The following WDFY4 variants were observed in gnomAD, a reference collection of about 807,000 sequenced individuals.
The protein encoded by WDFY4 is WD repeat- and FYVE domain-containing protein 4.
WDFY4 carries 169 observed loss-of-function variants against 351.9 expected under a neutral mutation model. The observed-to-expected ratio is 0.48, with a 90% CI of 0.42 to 0.55. The LOEUF (loss-of-function observed/expected upper bound fraction) is 0.55. WDFY4 is among the 20% of genes least tolerant of loss of function. WDFY4 has a pLI of 0.00. For missense variants in WDFY4, 3,803 were observed against 3,935.6 expected, an observed-to-expected ratio of 0.97 and a Z score of 0.90; for synonymous variants, 1,622 against 1,574.6, an observed-to-expected ratio of 1.03 and a Z score of -0.71.
In WDFY4 at chr10:48,743,044, C is replaced by T; in HGVS notation, c.1955C>T (p.Ser652Phe). ...RVSSGFNGLL[S>F]LLSDLEGSLQ... is the part of the protein sequence containing the mutation. ...TCCAGCGGGTTCAACGGGCTGCTGTCTCTGCTCTCTGACCTGGAAGGCTCC... is the reference window on the plus strand; with the variant it reads ...TCCAGCGGGTTCAACGGGCTGCTGTTTCTGCTCTCTGACCTGGAAGGCTCC... Residue 652 changes from serine to phenylalanine, a missense_variant, in exon 12 of 62, where the codon TCT (serine) becomes TTT (phenylalanine). Transcript: ENST00000325239. The T allele has an allele frequency of 1.9e-6, 3 of 1,551,668 alleles. No individual in the cohort carries two copies. The highest frequency in any genetic ancestry group is 2.6e-6 in the Non-Finnish European group (3 of 1,147,002).
chr10:48,916,501 G>A (rs1191726229), intron 47 of WDFY4, among the ~76,000 whole-genome samples: 1 of 152,184 alleles, frequency 6.6e-6, no homozygotes, highest in Admixed American at 6.5e-5. Flanking sequence ...CCAAACTGTG[G>A]TCCTCAGAGC....
chr10:48,955,254 A>G (rs1159090301), intron 51 of WDFY4, among the ~76,000 whole-genome samples: 1 of 152,234 alleles, frequency 6.6e-6, no homozygotes, highest in Non-Finnish European at 1.5e-5. Flanking sequence ...AATTTCAACC[A>G]AGAGCAAAGC....
intron 1 of WDFY4, among the ~76,000 whole-genome samples, chr10:48,698,525 A>C (rs1487880269): frequency 1.3e-5 from 2 of 152,076 alleles, no homozygotes; most frequent in Non-Finnish European, 2.9e-5. Flanking sequence ...CTGGCATGAC[A>C]CTGAAGACCT....
At chr10:48,954,261 T>C (rs529217402) in intron 51 of WDFY4, among the ~76,000 whole-genome samples, 1 of 152,252 alleles carries the variant, frequency 6.6e-6, no homozygotes, top group Non-Finnish European at 1.5e-5. Context: ...CAGAATCCTC[T>C]AGGCTTGGCT....
intron 39 of WDFY4, among the ~76,000 whole-genome samples, chr10:48,865,914 G>T (rs1420709009): frequency 6.6e-6 from 1 of 151,956 alleles, no homozygotes; most frequent in Non-Finnish European, 1.5e-5. Flanking sequence ...AATTCAGTAA[G>T]GTCAGTAGTA....
At chr10:48,699,014 G>A (rs889931379) in intron 1 of WDFY4, among the ~76,000 whole-genome samples, 15 of 152,250 alleles carry the variant, frequency 9.9e-5, no homozygotes, top group African/African-American at 1.4e-4. Flanking sequence ...AGACCTAGCC[G>A]GCCCGTGCAG....
rs765042329 is a variant in WDFY4 at position 48,913,525 on chromosome 10, G to A, written c.7586+11662G>A. ...TCCCGGGCGTTTTGGCATTTTCTCA[G>A]GCAAGCCGCACACAGATCCTTCTCC... On this transcript the variant is annotated intron_variant, in intron 47 of 61. Coordinates refer to ENST00000325239, the MANE Select transcript of WDFY4 (RefSeq NM_001394531.1). 1.1e-5 allele frequency: 17 copies of A among 1,613,932 alleles called. 1 individual carries two copies. The Admixed American group carries it at 2.5e-4, about 24-fold the overall frequency.
chr10:48,841,376 T>G (rs2068599632), intron 39 of WDFY4, among the ~76,000 whole-genome samples: 1 of 152,252 alleles, frequency 6.6e-6, no homozygotes, highest in Non-Finnish European at 1.5e-5. Flanking sequence ...GTGTCCTTCA[T>G]GTTTAAACAT....
chr10:48,844,811 T>C lies in WDFY4; in HGVS notation c.6663+12102T>C, dbSNP rs58282068. Reference sequence around the variant, plus strand: ...GCTGTGCAGCTCAGATGACAGTGAGTAAAACAGATAAGGCTCCCACACTCT... The same window carrying C: ...GCTGTGCAGCTCAGATGACAGTGAGCAAAACAGATAAGGCTCCCACACTCT... On this transcript the variant is annotated intron_variant, in intron 39 of 61. Transcript: ENST00000325239. Among the ~76,000 whole-genome samples, 1,079 of 152,216 alleles carry C rather than the reference T, an allele frequency of 7.1e-3. 17 individuals carry two copies. The highest frequency in any genetic ancestry group is 0.025 in the African/African-American group (1,034 of 41,528).
intron 1 of WDFY4, among the ~76,000 whole-genome samples, chr10:48,688,298 G>A (rs1306024344): frequency 6.6e-6 from 1 of 151,830 alleles, no homozygotes; most frequent in African/African-American, 2.4e-5. Flanking sequence ...GAGAATTCTT[G>A]GTATTTTACT....
intron 1 of WDFY4, among the ~76,000 whole-genome samples, chr10:48,707,502 G>A (rs2132189468): frequency 6.6e-6 from 1 of 152,302 alleles, no homozygotes; most frequent in East Asian, 1.9e-4. Flanking sequence ...TGGACTGAAT[G>A]TTGTGGCTAA....
intron 3 of WDFY4, among the ~76,000 whole-genome samples, chr10:48,720,397 A>G (rs947778877): frequency 6.6e-6 from 1 of 152,162 alleles, no homozygotes; most frequent in Non-Finnish European, 1.5e-5. Flanking sequence ...ACACACATAG[A>G]CACACTACAC....
chr10:48,949,949 G>A (rs973443437), intron 51 of WDFY4, among the ~76,000 whole-genome samples: 6 of 152,164 alleles, frequency 3.9e-5, no homozygotes, highest in African/African-American at 1.4e-4. Context: ...TCCAATCTCT[G>A]ATTGCTCATT....
intron 40 of WDFY4, among the ~76,000 whole-genome samples, chr10:48,870,623 C>T (rs2069732208): frequency 6.6e-6 from 1 of 151,840 alleles, no homozygotes; most frequent in Admixed American, 6.6e-5. Flanking sequence ...GCCTGTGAGT[C>T]TGTGGGCCTT....
chr10:48,831,403 C>T (rs897997515), intron 38 of WDFY4, among the ~76,000 whole-genome samples: 1 of 152,206 alleles, frequency 6.6e-6, no homozygotes, highest in East Asian at 1.9e-4. Context: ...TTAGTCAATG[C>T]AACTGCAAGA....
chr10:48,913,863 A>T, intron 47 of WDFY4: 1 of 1,614,102 alleles, frequency 6.2e-7, no homozygotes, highest in South Asian at 1.1e-5. Flanking sequence ...GAGGTAGAGC[A>T]GGCTGGTCAT....
chr10:48,748,876 C>A (rs1474154183), intron 12 of WDFY4, among the ~76,000 whole-genome samples: 1 of 152,186 alleles, frequency 6.6e-6, no homozygotes, highest in Non-Finnish European at 1.5e-5. Context: ...CTTCCCTCAG[C>A]CCTGCCTTCT....
intron 56 of WDFY4, among the ~76,000 whole-genome samples, chr10:48,969,617 G>T (rs550613321): frequency 2.0e-5 from 3 of 152,224 alleles, no homozygotes; most frequent in South Asian, 2.1e-4. Context: ...GCATTTGGGG[G>T]CTGGCAGGAG....
chr10:48,739,982 C>G (rs777547952), intron 11 of WDFY4, among the ~76,000 whole-genome samples: 7 of 152,128 alleles, frequency 4.6e-5, no homozygotes, highest in Non-Finnish European at 1.0e-4. Context: ...AGTGGTCACC[C>G]AGCACTCAGG....
Sources: gnomAD v4.1 joint callset for allele counts (sites outside exome capture counted in the v4.1 genomes callset) on GRCh38, gnomAD v4.1.1 for gene constraint, MANE v1.5 for transcripts, NCBI Gene and HGNC (gene_info 2026-07-23, HGNC 2026-07-21) for gene names.